TMEM232: variants seen among roughly 807,000 people sequenced by gnomAD.
TMEM232 encodes the protein transmembrane protein 232.
Under a neutral mutation model 78.8 loss-of-function variants are expected in TMEM232, and 80 were observed. That is an observed-to-expected ratio of 1.01 (90% CI 0.85 to 1.22). The LOEUF (loss-of-function observed/expected upper bound fraction) is 1.22. Ranked by LOEUF, TMEM232 falls within the 50% of genes most tolerant of loss-of-function variation. The probability of loss-of-function intolerance (pLI) is 0.00; values close to 1 mark genes in which losing one functional copy is unlikely to be tolerated. For missense variants in TMEM232, 881 were observed against 742.2 expected, an observed-to-expected ratio of 1.19 and a Z score of -2.17; for synonymous variants, 297 against 254.3, an observed-to-expected ratio of 1.17 and a Z score of -1.60.
chr5:110,676,930 T>C (rs1792103566), intron 1 of TMEM232, among the ~76,000 whole-genome samples: 1 of 151,854 alleles, frequency 6.6e-6, no homozygotes, highest in Non-Finnish European at 1.5e-5. Flanking sequence ...GGCCAATATT[T>C]TGTATTTTTT....
intron 12 of TMEM232, among the ~76,000 whole-genome samples, chr5:110,519,572 A>T (rs1230399001): frequency 6.6e-6 from 1 of 152,090 alleles, no homozygotes; most frequent in Non-Finnish European, 1.5e-5. Flanking sequence ...GAGGTTCCTC[A>T]AAAAAACAAA....
chr5:110,495,044 TTA>T (rs1421144490), intron 12 of TMEM232, among the ~76,000 whole-genome samples: 5 of 151,656 alleles, frequency 3.3e-5, no homozygotes, highest in Admixed American at 2.0e-4. Context: ...AGTTTTGAAG[TTA>T]TATGGTAGGC....
At chr5:110,418,984 T>C (rs188009332), downstream of TMEM232, among the ~76,000 whole-genome samples, 55 of 152,250 alleles carry the variant, frequency 3.6e-4, no homozygotes, top group African/African-American at 1.3e-3. Flanking sequence ...TTGGTAAGGC[T>C]CATGTCACTG....
At chr5:110,468,063 G>C (rs1318105716) in intron 12 of TMEM232, among the ~76,000 whole-genome samples, 1 of 151,018 alleles carries the variant, frequency 6.6e-6, no homozygotes, top group Non-Finnish European at 1.5e-5. Context: ...AATTTCAGGG[G>C]AACACAATTC....
At chr5:110,581,185 T>A (rs1254306004) in intron 10 of TMEM232, among the ~76,000 whole-genome samples, 1 of 151,354 alleles carries the variant, frequency 6.6e-6, no homozygotes, top group Non-Finnish European at 1.5e-5. Flanking sequence ...TCATATGAAA[T>A]TGAAAAATAG....
At chr5:110,640,092 C>T (rs1048027663) in intron 4 of TMEM232, among the ~76,000 whole-genome samples, 1 of 152,170 alleles carries the variant, frequency 6.6e-6, no homozygotes, top group Non-Finnish European at 1.5e-5. Context: ...ATGTAATTGT[C>T]AATGAAGAGC....
chr5:110,472,955 G>A (rs1011206914), intron 12 of TMEM232, among the ~76,000 whole-genome samples: 5 of 150,768 alleles, frequency 3.3e-5, no homozygotes, highest in African/African-American at 4.9e-5. Context: ...GTAAGACCTC[G>A]AAACTATGAA....
At chr5:110,622,174 A>C (rs1237186166) in intron 7 of TMEM232, among the ~76,000 whole-genome samples, 1 of 152,170 alleles carries the variant, frequency 6.6e-6, no homozygotes, top group African/African-American at 2.4e-5. Context: ...GTCTCATTCT[A>C]ATAATTCCTA....
In TMEM232 at chr5:110,627,836, A is replaced by G. The variant is rs770940916; in HGVS notation, c.546T>C (p.His182=). ...VFLRLFIFFL[H]GHLESFKQHL... ...GTTGTTTAAAACTTTCTAGATGACCATGCAGGAAAAATATAAAAAGTCGTA... is the reference window on the plus strand; with the variant it reads ...GTTGTTTAAAACTTTCTAGATGACCGTGCAGGAAAAATATAAAAAGTCGTA... The change falls in exon 6 of 14, where the codon CAT becomes CAC. Residue 182 remains histidine, a synonymous_variant. Coordinates refer to ENST00000455884, the MANE Select transcript of TMEM232 (RefSeq NM_001039763.4). The G allele has an allele frequency of 6.5e-7, 1 of 1,538,136 alleles. No homozygotes were observed. Among genetic ancestry groups the G allele is most frequent in the Non-Finnish European group, 8.7e-7 (1 of 1,143,508 alleles).
At chr5:110,524,837 ATATATT>A (rs1331429800) in intron 12 of TMEM232, among the ~76,000 whole-genome samples, 3 of 152,096 alleles carry the variant, frequency 2.0e-5, no homozygotes, top group Admixed American at 6.6e-5. Flanking sequence ...TTGGGTACAT[ATATATT>A]TATAATTGTT....
intron 10 of TMEM232, among the ~76,000 whole-genome samples, chr5:110,593,923 A>G (rs1483578532): frequency 3.3e-5 from 5 of 152,112 alleles, no homozygotes; most frequent in African/African-American, 1.2e-4. Flanking sequence ...AAAATATCCC[A>G]CATACCTGAT....
intron 12 of TMEM232, among the ~76,000 whole-genome samples, chr5:110,516,847 GA>G (rs149203767): frequency 0.019 from 2,945 of 151,856 alleles, 89 homozygotes; most frequent in African/African-American, 0.068. Flanking sequence ...ATTTTTTTTG[GA>G]AAAAATTATG....
chr5:110,654,197 T>C (rs1788716205), intron 2 of TMEM232, among the ~76,000 whole-genome samples: 2 of 152,208 alleles, frequency 1.3e-5, no homozygotes, highest in Admixed American at 1.3e-4. Context: ...CCCTGGCCAT[T>C]GCTGATTTTG....
downstream of TMEM232, among the ~76,000 whole-genome samples, chr5:110,415,634 T>C (rs1299169057): frequency 1.3e-5 from 2 of 152,050 alleles, no homozygotes; most frequent in Non-Finnish European, 2.9e-5. Context: ...AATTCTACTG[T>C]ATGTGTTCTC....
At chr5:110,731,418 C>T (rs1251564095), upstream of TMEM232, among the ~76,000 whole-genome samples, 6 of 152,244 alleles carry the variant, frequency 3.9e-5, no homozygotes, top group Non-Finnish European at 4.4e-5. Context: ...TTCCCTTCCA[C>T]ACTGCCCTAG....
At chr5:110,495,059 C>G (rs748337912) in intron 12 of TMEM232, among the ~76,000 whole-genome samples, 3 of 151,256 alleles carry the variant, frequency 2.0e-5, no homozygotes, top group African/African-American at 4.8e-5. Context: ...TGGTAGGCTT[C>G]TAAGTATTTG....
chr5:110,562,124 T>A (rs1262758188), intron 11 of TMEM232, among the ~76,000 whole-genome samples: 5 of 152,098 alleles, frequency 3.3e-5, no homozygotes, highest in Admixed American at 3.3e-4. Flanking sequence ...GTCGTACACT[T>A]AAGTTTTACC....
At chr5:110,711,486 G>T (rs565085303) in intron 1 of TMEM232, among the ~76,000 whole-genome samples, 1 of 152,136 alleles carries the variant, frequency 6.6e-6, no homozygotes, top group African/African-American at 2.4e-5. Flanking sequence ...AAAATTGGAG[G>T]AATCACATTA....
At chr5:110,610,925 A>T (rs576114895) in intron 8 of TMEM232, among the ~76,000 whole-genome samples, 1 of 152,298 alleles carries the variant, frequency 6.6e-6, no homozygotes, top group African/African-American at 2.4e-5. Context: ...GTAATCATAA[A>T]ACATACTTAG....
Sources: gnomAD v4.1 joint callset for allele counts (sites outside exome capture counted in the v4.1 genomes callset) on GRCh38, gnomAD v4.1.1 for gene constraint, MANE v1.5 for transcripts, NCBI Gene and HGNC (gene_info 2026-07-23, HGNC 2026-07-21) for gene names.